Variants in SORCS2 observed in about 807,000 individuals in gnomAD.
SORCS2 encodes sortilin related VPS10 domain containing receptor 2.
A neutral mutation model predicts 141.6 loss-of-function variants in SORCS2; 100 were observed. The ratio of observed to expected loss-of-function variants is 0.71; its 90% CI spans 0.60 to 0.83. The LOEUF is 0.83. Among genes scored for constraint, SORCS2 ranks in the 40% least tolerant of loss-of-function variants. The pLI, the probability that SORCS2 is intolerant of heterozygous loss-of-function variation, is 0.00. For missense variants in SORCS2, 1,646 were observed against 1,560.2 expected, an observed-to-expected ratio of 1.05 and a Z score of -0.93; for synonymous variants, 789 against 676.9, an observed-to-expected ratio of 1.17 and a Z score of -2.57.
At position 7,250,243 on chromosome 4, in the gene SORCS2, A is replaced by AAAAGAAAG. The variant is rs34312209; in HGVS notation, c.480+57140_480+57147dup. ...GGTGATTGAGCGAGGGCTCTGTCTAAAAAGAAAGAAAGAAAGAAAGAAAGA... is the reference window on the plus strand; with the variant it reads ...GGTGATTGAGCGAGGGCTCTGTCTAAAAAGAAAGAAAGAAAGAAAGAAAGAAAGAAAGA... On this transcript the variant is annotated intron_variant, in intron 1 of 26. Coordinates refer to ENST00000507866, the MANE Select transcript of SORCS2 (RefSeq NM_020777.3). Among the ~76,000 whole-genome samples the AAAAGAAAG allele has an allele frequency of 9.1e-4, 137 of 151,172 alleles. 1 individual carries two copies. The highest frequency in any genetic ancestry group is 2.6e-3 in the African/African-American group (108 of 40,888).
intron 3 of SORCS2, among the ~76,000 whole-genome samples, chr4:7,538,933 CCCTGTGT>C (rs1393585056): frequency 6.6e-6 from 1 of 152,188 alleles, no homozygotes; most frequent in African/African-American, 2.4e-5. Flanking sequence ...TAAAGCATGG[CCCTGTGT>C]CCTGAAGGCC....
chr4:7,439,367 A>G (rs773486752), intron 2 of SORCS2, among the ~76,000 whole-genome samples: 3 of 152,190 alleles, frequency 2.0e-5, no homozygotes, highest in Admixed American at 6.5e-5. Flanking sequence ...ACCCTAGAAT[A>G]TACCCAAGAC....
At chr4:7,710,907 T>C (rs555155916) in intron 14 of SORCS2, among the ~76,000 whole-genome samples, 3 of 152,286 alleles carry the variant, frequency 2.0e-5, no homozygotes, top group African/African-American at 7.2e-5. Flanking sequence ...AAGAATGGTC[T>C]GGGGCTCCTG....
intron 1 of SORCS2, among the ~76,000 whole-genome samples, chr4:7,277,441 A>T (rs900978103): frequency 5.3e-5 from 8 of 152,142 alleles, no homozygotes; most frequent in African/African-American, 1.9e-4. Flanking sequence ...TTCCGTGACG[A>T]AGATGAGAAA....
chr4:7,548,042 C>G (rs1333266289), intron 3 of SORCS2, among the ~76,000 whole-genome samples: 4 of 152,186 alleles, frequency 2.6e-5, no homozygotes, highest in Non-Finnish European at 4.4e-5. Context: ...AATGTAGGAT[C>G]ACACTCCTTT....
At chr4:7,396,108 C>T (rs567032605) in intron 1 of SORCS2, among the ~76,000 whole-genome samples, 180 bp from the exon 2 acceptor site, 1 of 152,202 alleles carries the variant, frequency 6.6e-6, no homozygotes, top group Non-Finnish European at 1.5e-5. Context: ...AATAAGCCCA[C>T]GTCTAAGGGC....
intron 17 of SORCS2, among the ~76,000 whole-genome samples, chr4:7,716,755 T>A (rs1726221588): frequency 6.6e-6 from 1 of 152,244 alleles, no homozygotes; most frequent in South Asian, 2.1e-4. Context: ...ATCATGAAGC[T>A]GCAGTGGTTG....
intron 1 of SORCS2, among the ~76,000 whole-genome samples, chr4:7,368,824 G>A (rs147956177): frequency 8.5e-5 from 13 of 152,338 alleles, no homozygotes; most frequent in South Asian, 2.1e-4. Flanking sequence ...GGAGAAACCC[G>A]GTGGGAGGTG....
chr4:7,200,430 C>T (rs1029111279), intron 1 of SORCS2, among the ~76,000 whole-genome samples: 1 of 152,220 alleles, frequency 6.6e-6, no homozygotes, highest in Non-Finnish European at 1.5e-5. Context: ...GCTGGCCACC[C>T]ATGTAGCCAG....
At chr4:7,700,052 A>C (rs1577090036) in intron 12 of SORCS2, among the ~76,000 whole-genome samples, 1 of 152,088 alleles carries the variant, frequency 6.6e-6, no homozygotes, top group Admixed American at 6.5e-5. Flanking sequence ...GTGTGCCCCC[A>C]GGGCTCCCGC....
intron 1 of SORCS2, among the ~76,000 whole-genome samples, chr4:7,293,950 A>G (rs1224386526): frequency 6.6e-6 from 1 of 152,058 alleles, no homozygotes; most frequent in Non-Finnish European, 1.5e-5. Context: ...TTCCCTTTCC[A>G]CCAAGAGCAT....
At chr4:7,312,955 A>G (rs1222569185) in intron 1 of SORCS2, among the ~76,000 whole-genome samples, 1 of 152,332 alleles carries the variant, frequency 6.6e-6, no homozygotes, top group African/African-American at 2.4e-5. Context: ...GACTGTCCTG[A>G]TAGCTGGCTC....
At chr4:7,218,633 G>C (rs1560118894) in intron 1 of SORCS2, among the ~76,000 whole-genome samples, 1 of 152,218 alleles carries the variant, frequency 6.6e-6, no homozygotes, top group Non-Finnish European at 1.5e-5. Flanking sequence ...AGCACGATTA[G>C]ATGCCTTTTC....
chr4:7,710,754 A>G (rs527485190), intron 14 of SORCS2, among the ~76,000 whole-genome samples: 19 of 152,304 alleles, frequency 1.2e-4, no homozygotes, highest in African/African-American at 4.3e-4. Flanking sequence ...TCTGTTGGAA[A>G]CAGTGTCTGC....
chr4:7,504,135 C>G (rs1732139186), intron 2 of SORCS2, among the ~76,000 whole-genome samples: 1 of 152,258 alleles, frequency 6.6e-6, no homozygotes, highest in South Asian at 2.1e-4. Flanking sequence ...TCGCAGCTCA[C>G]AGCTGCGCTC....
At chr4:7,693,263 G>T (rs1028148731) in intron 11 of SORCS2, among the ~76,000 whole-genome samples, 5 of 152,172 alleles carry the variant, frequency 3.3e-5, no homozygotes, top group Non-Finnish European at 7.3e-5. Flanking sequence ...CTCACACTGA[G>T]TTATACCCTG....
At chr4:7,657,692 G>A (rs759486065) in intron 5 of SORCS2, among the ~76,000 whole-genome samples, 1 of 151,964 alleles carries the variant, frequency 6.6e-6, no homozygotes, top group Non-Finnish European at 1.5e-5. Context: ...GACTGAGTCT[G>A]TGATTGAGTG....
At chr4:7,337,300 C>T (rs1388011283) in intron 1 of SORCS2, among the ~76,000 whole-genome samples, 6 of 152,142 alleles carry the variant, frequency 3.9e-5, no homozygotes, top group Admixed American at 2.6e-4. Context: ...CCACCTGCAA[C>T]GTGCGGTCTG....
At chr4:7,376,901 C>G (rs1332240433) in intron 1 of SORCS2, among the ~76,000 whole-genome samples, 1 of 152,150 alleles carries the variant, frequency 6.6e-6, no homozygotes, top group Non-Finnish European at 1.5e-5. Flanking sequence ...TGACCCCCAC[C>G]CCCACCCAGC....
Sources: allele counts gnomAD v4.1 joint callset (sites outside exome capture counted in the v4.1 genomes callset), GRCh38; gene constraint gnomAD v4.1.1; transcripts MANE v1.5; gene names NCBI Gene and HGNC (gene_info 2026-07-23, HGNC 2026-07-21).